Variants in LEPR observed in about 807,000 individuals in gnomAD.
LEPR encodes OB receptor.
In LEPR, 56 loss-of-function variants were observed where a neutral mutation model predicts 114.7. That is an observed-to-expected ratio of 0.49 (90% CI 0.39 to 0.61). LEPR has a LOEUF of 0.61. Ranked by LOEUF, LEPR falls within the 20% of genes least tolerant of loss-of-function variation. The pLI is 0.00. For synonymous variants in LEPR, 443 were observed against 461.4 expected (o/e 0.96, Z 0.51); for missense variants, 1,202 against 1,352.9 (o/e 0.89, Z 1.75).
At chr1:65,544,537 C>CT (rs1651500377) in intron 2 of LEPR, among the ~76,000 whole-genome samples, 2 of 151,950 alleles carry the variant, frequency 1.3e-5, no homozygotes, top group South Asian at 4.1e-4. Context: ...AAAGGGAATG[C>CT]TTCCAGCTTT....
intron 2 of LEPR, among the ~76,000 whole-genome samples, chr1:65,456,912 G>T (rs1646884088): frequency 6.6e-6 from 1 of 151,852 alleles, no homozygotes; most frequent in African/African-American, 2.4e-5. Flanking sequence ...TCTGTCTTTT[G>T]TATTTTTAAT....
chr1:65,475,940 C>G (rs956629301), intron 2 of LEPR, among the ~76,000 whole-genome samples: 22 of 151,472 alleles, frequency 1.5e-4, no homozygotes, highest in African/African-American at 4.9e-4. Context: ...TTGCCTGAGC[C>G]CAGGAGGTTG....
intron 2 of LEPR, among the ~76,000 whole-genome samples, chr1:65,506,368 C>T (rs1648728941): frequency 6.6e-6 from 1 of 152,166 alleles, no homozygotes; most frequent in Non-Finnish European, 1.5e-5. Flanking sequence ...GATTTTACAG[C>T]ACACTATGTT....
chr1:65,462,257 T>A (rs1389906054), intron 2 of LEPR, among the ~76,000 whole-genome samples: 2 of 152,234 alleles, frequency 1.3e-5, no homozygotes, highest in African/African-American at 4.8e-5. Context: ...TGTTTGGTTT[T>A]CTGTCCTTGT....
Position 65,558,501 on chromosome 1 carries a change from G to GTTTTTTTTTTTTTTTTTTT in LEPR, c.-20-7030_-20-7029insTTTTTTTTTTTTTTTTTTT, listed in dbSNP as rs781558613. On this transcript the variant is annotated intron_variant, in intron 2 of 19. Coordinates refer to ENST00000349533, the MANE Select transcript of LEPR (RefSeq NM_002303.6). ...TGAGTCATGAGACATGTTTCTTAAT[G>GTTTTTTTTTTTTTTTTTTT]TTTTTTTTTTTTTTTGAATCAGAAG... Among the ~76,000 whole-genome samples, 12 of 23,142 alleles carry GTTTTTTTTTTTTTTTTTTT rather than the reference G, an allele frequency of 5.2e-4. 4 individuals are homozygous for GTTTTTTTTTTTTTTTTTTT. The highest frequency in any genetic ancestry group is 4.9e-3 in the South Asian group (2 of 412). 15.2% of individuals were successfully genotyped at this position (23,142 alleles called of 152,430 possible).
At chr1:65,432,097 A>G (rs1557586354) in intron 2 of LEPR, 8 of 1,306,940 alleles carry the variant, frequency 6.1e-6, no homozygotes, top group Non-Finnish European at 6.8e-6. Context: ...CTCAGCAAAT[A>G]GACCTGTCAA....
At chr1:65,541,343 T>A (rs980873525) in intron 2 of LEPR, among the ~76,000 whole-genome samples, 8 of 152,232 alleles carry the variant, frequency 5.3e-5, no homozygotes, top group Non-Finnish European at 1.0e-4. Flanking sequence ...AGATGCCTAC[T>A]CTGACTCAAC....
intron 2 of LEPR, among the ~76,000 whole-genome samples, chr1:65,487,501 A>G (rs892581997): frequency 2.0e-5 from 3 of 151,916 alleles, no homozygotes; most frequent in Non-Finnish European, 4.4e-5. Context: ...CATATATCTT[A>G]TATAAATTTA....
Position 65,596,452 on chromosome 1 carries a change from G to A in LEPR, c.708G>A (p.Lys236=), listed in dbSNP as rs900163566. The change falls in exon 7 of 20, where the codon AAG becomes AAA. Residue 236 remains lysine (K), a synonymous_variant. Transcript: ENST00000349533. The part of the protein sequence containing the change: ...LMSVQPINMV[K]PDPPLGLHME... ...ATTCTCTTTTTTTTCCTTAAGTGAAGCCTGATCCACCATTAGGTTTGCATA... is the reference window on the plus strand; with the variant it reads ...ATTCTCTTTTTTTTCCTTAAGTGAAACCTGATCCACCATTAGGTTTGCATA... The A allele has an allele frequency of 1.2e-6, 2 of 1,612,340 alleles. No individual in the cohort carries two copies. Among genetic ancestry groups the A allele is most frequent in the East Asian group, 2.2e-5 (1 of 44,750 alleles).
intron 2 of LEPR, among the ~76,000 whole-genome samples, chr1:65,490,005 G>T (rs1263056301): frequency 6.6e-6 from 1 of 152,030 alleles, no homozygotes; most frequent in Non-Finnish European, 1.5e-5. Flanking sequence ...TAAGGTCAGG[G>T]GTTTGAACCC....
At chr1:65,575,049 G>T (rs1282336719) in intron 5 of LEPR, among the ~76,000 whole-genome samples, 2 of 152,116 alleles carry the variant, frequency 1.3e-5, no homozygotes, top group African/African-American at 2.4e-5. Context: ...ACTATGGCTG[G>T]TGCTGAGAAT....
chr1:65,510,053 A>G (rs1298371279), intron 2 of LEPR, among the ~76,000 whole-genome samples: 11 of 152,214 alleles, frequency 7.2e-5, no homozygotes. Flanking sequence ...CACCCTATGG[A>G]AAACCTGGGA....
intron 19 of LEPR, among the ~76,000 whole-genome samples, chr1:65,627,587 C>T (rs1251721411): frequency 6.6e-6 from 1 of 152,056 alleles, no homozygotes; most frequent in South Asian, 2.1e-4. Context: ...ATTATATGAT[C>T]CAGTAATTCC....
intron 2 of LEPR, chr1:65,436,019 A>G: frequency 9.2e-6 from 9 of 983,324 alleles, no homozygotes; most frequent in South Asian, 4.7e-5. Flanking sequence ...AAAGGCTTTT[A>G]TGTACATTAT....
chr1:65,516,735 A>G (rs1291246010), intron 2 of LEPR, among the ~76,000 whole-genome samples: 1 of 152,258 alleles, frequency 6.6e-6, no homozygotes, highest in Non-Finnish European at 1.5e-5. Context: ...ATCTAAGAAT[A>G]TACTTGAATT....
chr1:65,425,936 C>T (rs1410490445), intron 2 of LEPR, among the ~76,000 whole-genome samples: 1 of 152,110 alleles, frequency 6.6e-6, no homozygotes, highest in Non-Finnish European at 1.5e-5. Context: ...TTCCCATGTG[C>T]CAGCTACTGT....
rs537574422 is a variant in LEPR at position 65,572,994 on chromosome 1, T to C, written c.494+545T>C. Among the ~76,000 whole-genome samples, 7 of 152,294 alleles carry C rather than the reference T, an allele frequency of 4.6e-5. No individual in the cohort carries two copies. In the South Asian group the frequency reaches 1.5e-3, roughly 32 times the overall value. On this transcript the variant is annotated intron_variant, in intron 5 of 19. Transcript: ENST00000349533. The stretch of plus-strand genomic sequence containing the variant: ...CTCTGGGCATGAACATGAACCATGC[T>C]GTGCCATGTTGTGCCATGCTGAGCC...
chr1:65,496,981 C>CATAT (rs1648192319), intron 2 of LEPR, among the ~76,000 whole-genome samples: 2 of 97,926 alleles, frequency 2.0e-5, no homozygotes, highest in Admixed American at 1.1e-4. Context: ...CTCTAGTGTT[C>CATAT]ATATACATAT....
At chr1:65,510,544 A>C (rs997318872) in intron 2 of LEPR, among the ~76,000 whole-genome samples, 1 of 152,132 alleles carries the variant, frequency 6.6e-6, no homozygotes, top group African/African-American at 2.4e-5. Context: ...GAATACTTTG[A>C]TTACCTTATG....
Sources: gnomAD v4.1 joint callset for allele counts (sites outside exome capture counted in the v4.1 genomes callset) on GRCh38, gnomAD v4.1.1 for gene constraint, MANE v1.5 for transcripts, NCBI Gene and HGNC (gene_info 2026-07-23, HGNC 2026-07-21) for gene names.